LARS1: variants seen among roughly 807,000 people sequenced by gnomAD.
LARS1 encodes the protein leucine--tRNA ligase, cytoplasmic.
A neutral mutation model predicts 162.8 loss-of-function variants in LARS1; 100 were observed. The ratio of observed to expected loss-of-function variants is 0.61; its 90% confidence interval spans 0.52 to 0.73. The LOEUF (loss-of-function observed/expected upper bound fraction) is 0.73. Ranked by LOEUF, LARS1 falls within the 30% of genes least tolerant of loss-of-function variation. The probability of loss-of-function intolerance (pLI) is 0.00; values close to 1 mark genes in which losing one functional copy is unlikely to be tolerated. For missense variants in LARS1, 1,258 were observed against 1,408.9 expected, an observed-to-expected ratio of 0.89 and a Z score of 1.71; for synonymous variants, 457 against 462.8, an observed-to-expected ratio of 0.99 and a Z score of 0.16.
chr5:146,115,151 A>G (rs2126339090), intron 31 of LARS1, among the ~76,000 whole-genome samples: 2 of 152,040 alleles, frequency 1.3e-5, no homozygotes, highest in South Asian at 4.1e-4. Context: ...AGATTCTGAC[A>G]TCTCCTGGAA....
At chr5:146,139,832 G>C (rs968457172) in intron 21 of LARS1, 13 of 133,980 alleles carry the variant, frequency 9.7e-5, no homozygotes, top group Non-Finnish European at 1.8e-4. Context: ...CCCATATGAC[G>C]TCACTGCACT....
At chr5:146,145,175 C>G (rs1182375780) in intron 15 of LARS1, among the ~76,000 whole-genome samples, 1 of 152,090 alleles carries the variant, frequency 6.6e-6, no homozygotes, top group Non-Finnish European at 1.5e-5. Flanking sequence ...CCTCCTGGCT[C>G]ATGTGACCCT....
Position 146,177,682 on chromosome 5 carries a change from G to A in LARS1, c.7-17C>T, listed in dbSNP as rs760697208. ...TTTTCTTTCCTATTGGACACAAAGA[G>A]AATAATCCACTCTGTATTTCAGCAC... On this transcript the variant is annotated splice_polypyrimidine_tract_variant and intron_variant, in intron 1 of 31. Coordinates refer to ENST00000394434, the MANE Select transcript of LARS1 (RefSeq NM_020117.11). 6 of 1,334,704 alleles carry A rather than the reference G, an allele frequency of 4.5e-6. No individual in the cohort carries two copies. Among genetic ancestry groups the A allele is most frequent in the Non-Finnish European group, 6.4e-6 (6 of 938,908 alleles). The allele number at this position is 1,334,704 out of a possible 1,614,324, so 82.7% of individuals were successfully genotyped here. A position where few individuals can be genotyped will look rare whatever the true frequency, so the allele number is the denominator to read the frequency against.
chr5:146,140,092 G>A (rs934440951), intron 21 of LARS1, 112 bp downstream of exon 21: 1 of 799,382 alleles, frequency 1.3e-6, no homozygotes, highest in Admixed American at 2.4e-5. Flanking sequence ...CAGGCATGAG[G>A]CACCACACCT....
intron 21 of LARS1, 84 bp downstream of exon 21, chr5:146,140,120 C>T (rs1442124030): frequency 9.5e-7 from 1 of 1,048,550 alleles, no homozygotes; most frequent in Non-Finnish European, 1.5e-6. Context: ...TTATTTCTTA[C>T]ATACATTTAA....
chr5:146,130,337 T>C (rs1752225236), intron 24 of LARS1, 179 bp from the exon 25 acceptor site: 1 of 641,506 alleles, frequency 1.6e-6, no homozygotes, highest in Non-Finnish European at 2.6e-6. Flanking sequence ...TTGTCCAAAG[T>C]ATATGGCAGT....
chr5:146,179,721 T>C (rs774741662), intron 1 of LARS1: 6 of 426,454 alleles, frequency 1.4e-5, no homozygotes, highest in Non-Finnish European at 2.4e-5. Flanking sequence ...CATCTCAGCC[T>C]CCTGAATAGC....
intron 28 of LARS1, among the ~76,000 whole-genome samples, 187 bp from the exon 29 acceptor site, chr5:146,124,273 A>G (rs978235352): frequency 1.1e-4 from 17 of 151,956 alleles, no homozygotes. Flanking sequence ...ACTAGCTCCA[A>G]ATAATTATCT....
At chr5:146,140,386 A>G (rs1408306348) in intron 20 of LARS1, 125 bp from the exon 21 acceptor site, 2 of 673,746 alleles carry the variant, frequency 3.0e-6, no homozygotes, top group Admixed American at 2.8e-5. Flanking sequence ...AAGGATATAC[A>G]CTATAGTCCT....
intron 12 of LARS1, 80 bp from the exon 13 acceptor site, chr5:146,153,307 T>G (rs1581055390): frequency 8.7e-6 from 9 of 1,037,894 alleles, no homozygotes. Flanking sequence ...CTCCAAAGTT[T>G]CTTAAAAGTT....
chr5:146,176,460 A>G (rs917367858), intron 2 of LARS1, among the ~76,000 whole-genome samples: 2 of 151,638 alleles, frequency 1.3e-5, no homozygotes, highest in Admixed American at 6.6e-5. Flanking sequence ...AAAAAAAAAA[A>G]AAAAAAAGAA....
chr5:146,175,062 T>C (rs1013227265), intron 2 of LARS1, among the ~76,000 whole-genome samples: 16 of 151,718 alleles, frequency 1.1e-4, no homozygotes, highest in African/African-American at 2.9e-4. Context: ...CTACTAAAAA[T>C]AGAAAAATTA....
At chr5:146,114,430 T>G in intron 31 of LARS1, 119 bp from the exon 32 acceptor site, 1 of 817,006 alleles carries the variant, frequency 1.2e-6, no homozygotes, top group South Asian at 1.7e-5. Flanking sequence ...AATATTTTCT[T>G]CAGATTATTA....
chr5:146,121,090 T>C (rs1222642303), intron 30 of LARS1, among the ~76,000 whole-genome samples: 7 of 152,138 alleles, frequency 4.6e-5, no homozygotes, highest in Non-Finnish European at 1.0e-4. Context: ...GAAATAAATA[T>C]ATTTGTATAA....
chr5:146,130,006 G>A lies in LARS1; in HGVS notation c.2628+12C>T, dbSNP rs543004173. 4 of 1,595,458 alleles carry A rather than the reference G, an allele frequency of 2.5e-6. No homozygotes were observed. The Admixed American group carries it at 7.4e-5, about 29-fold the overall frequency. Reference sequence around the variant, plus strand: ...CAAAACCACTCGAAACATTTTAAATGCATGAAGGTACCTTTCCCAGGAGTG... The same window carrying A: ...CAAAACCACTCGAAACATTTTAAATACATGAAGGTACCTTTCCCAGGAGTG... On this transcript the variant is annotated intron_variant, in intron 25 of 31. Coordinates refer to ENST00000394434, the MANE Select transcript of LARS1 (RefSeq NM_020117.11).
At chr5:146,179,221 G>A (rs1357650800) in intron 1 of LARS1, among the ~76,000 whole-genome samples, 2 of 152,176 alleles carry the variant, frequency 1.3e-5, no homozygotes, top group African/African-American at 4.8e-5. Context: ...AACACAGCAA[G>A]ACCAATCTCA....
chr5:146,169,966 A>C (rs79990050), intron 4 of LARS1, among the ~76,000 whole-genome samples: 15 of 152,182 alleles, frequency 9.9e-5, no homozygotes, highest in African/African-American at 3.1e-4. Flanking sequence ...AGGTGATACA[A>C]TGGTAAGTTA....
chr5:146,143,116 T>C (rs757766014), intron 19 of LARS1, 32 bp from the exon 20 acceptor site: 5 of 1,127,546 alleles, frequency 4.4e-6, no homozygotes, highest in African/African-American at 3.1e-5. Flanking sequence ...CTATTTTATA[T>C]ATATATATAT....
chr5:146,135,856 G>T (rs1030366615), intron 21 of LARS1, among the ~76,000 whole-genome samples, 192 bp from the exon 22 acceptor site: 1 of 152,150 alleles, frequency 6.6e-6, no homozygotes, highest in African/African-American at 2.4e-5. Flanking sequence ...GCCTTGTTTG[G>T]GTTACTCAGC....
Sources: gnomAD v4.1 joint callset for allele counts (sites outside exome capture counted in the v4.1 genomes callset) on GRCh38, gnomAD v4.1.1 for gene constraint, MANE v1.5 for transcripts, NCBI Gene and HGNC (gene_info 2026-07-23, HGNC 2026-07-21) for gene names.